The following CCDC171 variants were observed in gnomAD, a reference collection of about 807,000 sequenced individuals.
The protein encoded by CCDC171 is coiled-coil domain containing 171.
Under a neutral mutation model 168.2 loss-of-function variants are expected in CCDC171, and 177 were observed. The observed-to-expected ratio is 1.05, with a 90% CI of 0.93 to 1.19. CCDC171 has a LOEUF of 1.19. Ranked by LOEUF, CCDC171 falls within the 50% of genes most tolerant of loss-of-function variation. The probability of loss-of-function intolerance (pLI) is 0.00; values close to 1 mark genes in which losing one functional copy is unlikely to be tolerated. For synonymous variants in CCDC171, 687 were observed against 540.8 expected (o/e 1.27, Z -3.75); for missense variants, 1,991 against 1,539.0 (o/e 1.29, Z -4.91).
chr9:16,027,882 A>G (rs541516921), intron 6 of CCDC171, among the ~76,000 whole-genome samples: 3 of 152,286 alleles, frequency 2.0e-5, no homozygotes, highest in Non-Finnish European at 2.9e-5. Context: ...GTTTGCTGAA[A>G]TCATGTCTGT....
At chr9:15,845,245 A>G (rs561799956) in intron 21 of CCDC171, among the ~76,000 whole-genome samples, 125 of 152,190 alleles carry the variant, frequency 8.2e-4, no homozygotes, top group African/African-American at 2.9e-3. Flanking sequence ...ATTCTTTGCC[A>G]TCTTTTTAAA....
At chr9:15,924,573 C>T (rs1044938786) in intron 25 of CCDC171, among the ~76,000 whole-genome samples, 49 of 151,634 alleles carry the variant, frequency 3.2e-4, no homozygotes, top group Admixed American at 9.2e-4. Context: ...TATCCTGCTT[C>T]CTACTACAGC....
intron 3 of CCDC171, among the ~76,000 whole-genome samples, chr9:15,986,263 C>T (rs1207075593): frequency 1.3e-5 from 2 of 152,194 alleles, no homozygotes; most frequent in African/African-American, 4.8e-5. Flanking sequence ...TTAAACCCTT[C>T]TCTGCGATGT....
At chr9:15,561,827 TA>T (rs201862632) in intron 1 of CCDC171, among the ~76,000 whole-genome samples, 9 of 148,198 alleles carry the variant, frequency 6.1e-5, no homozygotes, top group African/African-American at 1.2e-4. Flanking sequence ...TGAAGAAAAT[TA>T]AAAAAAAAAG....
At chr9:15,610,601 C>G (rs1408503432) in intron 6 of CCDC171, among the ~76,000 whole-genome samples, 1 of 151,376 alleles carries the variant, frequency 6.6e-6, no homozygotes, top group Non-Finnish European at 1.5e-5. Context: ...ACACTCCAGC[C>G]TGGGTGACAA....
At chr9:15,605,592 C>T (rs2043166781) in intron 6 of CCDC171, among the ~76,000 whole-genome samples, 1 of 148,934 alleles carries the variant, frequency 6.7e-6, no homozygotes, top group Non-Finnish European at 1.5e-5. Flanking sequence ...GAGGCTGAGG[C>T]AGGAGAATCG....
Position 15,729,622 on chromosome 9 carries a change from G to C in CCDC171, c.1873G>C (p.Glu625Gln), listed in dbSNP as rs766371133. 4.6e-5 allele frequency: 74 copies of C among 1,611,348 alleles called. No homozygotes were observed. The highest frequency in any genetic ancestry group is 6.2e-5 in the Non-Finnish European group (73 of 1,178,248). ...TCTCCCCGTATAGATAAGGCATCTA[G>C]AGTATATCTGTAAAAACAAGTCTGA... ...NRANEKIRHL[E>Q]YICKNKSDTM... Residue 625 changes from glutamate to glutamine, a missense_variant, in exon 16 of 26, where the codon GAG becomes CAG. Coordinates refer to ENST00000380701, the MANE Select transcript of CCDC171 (RefSeq NM_173550.4).
chr9:16,009,841 AG>A (rs1445134422), intron 3 of CCDC171, among the ~76,000 whole-genome samples: 2 of 152,218 alleles, frequency 1.3e-5, no homozygotes, highest in East Asian at 1.9e-4. Context: ...AATAAATTTG[AG>A]GAAAAAAATA....
intron 4 of CCDC171, among the ~76,000 whole-genome samples, chr9:15,588,828 C>G (rs1275809066): frequency 1.3e-5 from 2 of 151,812 alleles, no homozygotes; most frequent in Non-Finnish European, 2.9e-5. Flanking sequence ...CTGCCTCAGC[C>G]TCCTGAGTAG....
intron 21 of CCDC171, among the ~76,000 whole-genome samples, chr9:15,832,904 C>T (rs751749570): frequency 4.0e-5 from 6 of 151,138 alleles, no homozygotes; most frequent in African/African-American, 1.2e-4. Flanking sequence ...CATGAATACG[C>T]GTTAGCCTAG....
At chr9:15,987,407 C>G (rs1198044957) in intron 3 of CCDC171, among the ~76,000 whole-genome samples, 1 of 151,946 alleles carries the variant, frequency 6.6e-6, no homozygotes. Flanking sequence ...CACATGTACC[C>G]CTTGAACCTA....
downstream of CCDC171, among the ~76,000 whole-genome samples, chr9:16,065,405 G>A (rs1038576048): frequency 6.6e-6 from 1 of 152,146 alleles, no homozygotes; most frequent in Non-Finnish European, 1.5e-5. Flanking sequence ...CTCTCTGTGG[G>A]TGCCAGAGAA....
intron 24 of CCDC171, among the ~76,000 whole-genome samples, chr9:15,881,740 TG>T (rs1334072292): frequency 1.3e-5 from 2 of 152,208 alleles, no homozygotes; most frequent in Non-Finnish European, 2.9e-5. Context: ...TTTCTGTGCT[TG>T]GCTTATTTCA....
At chr9:16,063,079 T>G (rs1833953895), downstream of CCDC171, among the ~76,000 whole-genome samples, 1 of 152,148 alleles carries the variant, frequency 6.6e-6, no homozygotes, top group Non-Finnish European at 1.5e-5. Context: ...CGGTGACTAT[T>G]TGTTGACTTG....
intron 25 of CCDC171, among the ~76,000 whole-genome samples, chr9:15,937,262 G>T (rs1173959235): frequency 6.6e-6 from 1 of 151,868 alleles, no homozygotes; most frequent in Admixed American, 6.6e-5. Flanking sequence ...TGTTGTGTTT[G>T]AAACTTCCTT....
the CCDC171 span, among the ~76,000 whole-genome samples, chr9:16,069,442 T>C: frequency 6.6e-6 from 1 of 152,172 alleles, no homozygotes; most frequent in African/African-American, 2.4e-5. Context: ...TGTGTGTGCG[T>C]GGAGACCATA....
At chr9:15,719,442 GAGA>G (rs1564279633) in intron 11 of CCDC171, among the ~76,000 whole-genome samples, 62,944 of 121,716 alleles carry the variant, frequency 0.52, 17,764 homozygotes, top group Non-Finnish European at 0.55. Flanking sequence ...GAGAGAGAGA[GAGA>G]GAAAGTTTAT....
At chr9:15,776,598 T>C (rs1588433365) in intron 18 of CCDC171, among the ~76,000 whole-genome samples, 1 of 152,324 alleles carries the variant, frequency 6.6e-6, no homozygotes, top group African/African-American at 2.4e-5. Context: ...CTTTAAACAT[T>C]GAGGAATAAA....
chr9:15,769,291 T>C (rs1051132872), intron 18 of CCDC171, among the ~76,000 whole-genome samples: 1 of 152,206 alleles, frequency 6.6e-6, no homozygotes, highest in Non-Finnish European at 1.5e-5. Context: ...TTAATTTAAG[T>C]TGACAGAGAG....
Sources: gnomAD v4.1 joint callset for allele counts (sites outside exome capture counted in the v4.1 genomes callset) on GRCh38, gnomAD v4.1.1 for gene constraint, MANE v1.5 for transcripts, NCBI Gene and HGNC (gene_info 2026-07-23, HGNC 2026-07-21) for gene names.